Variants in MTUS2 observed in about 807,000 individuals in gnomAD.
The protein encoded by MTUS2 is microtubule associated scaffold protein 2.
A neutral mutation model predicts 114.1 loss-of-function variants in MTUS2; 40 were observed. That is an observed-to-expected ratio of 0.35 (90% CI 0.27 to 0.46). MTUS2 has a LOEUF of 0.46. MTUS2 is among the 20% of genes least tolerant of loss of function. The pLI, the probability that MTUS2 is intolerant of heterozygous loss-of-function variation, is 1.00. For synonymous variants in MTUS2, 688 were observed against 672.0 expected (o/e 1.02, Z -0.37); for missense variants, 1,679 against 1,705.4 (o/e 0.98, Z 0.27).
intron 5 of MTUS2, among the ~76,000 whole-genome samples, chr13:29,202,363 T>C (rs541211500): frequency 6.6e-6 from 1 of 152,340 alleles, no homozygotes; most frequent in African/African-American, 2.4e-5. Context: ...ATCAGATCAT[T>C]TGTGTTCTTC....
At chr13:29,240,347 G>A (rs1004911856) in intron 5 of MTUS2, among the ~76,000 whole-genome samples, 6 of 152,162 alleles carry the variant, frequency 3.9e-5, no homozygotes, top group Non-Finnish European at 8.8e-5. Context: ...GGTCTAATCA[G>A]CCATCTCTCC....
At chr13:28,932,700 T>C (rs1881682200) in intron 2 of MTUS2, among the ~76,000 whole-genome samples, 1 of 152,186 alleles carries the variant, frequency 6.6e-6, no homozygotes, top group Admixed American at 6.5e-5. Flanking sequence ...CAGACTCATA[T>C]GTGAGAAAAA....
intron 5 of MTUS2, among the ~76,000 whole-genome samples, chr13:29,122,832 T>A (rs1891366136): frequency 6.6e-6 from 1 of 152,238 alleles, no homozygotes; most frequent in South Asian, 2.1e-4. Flanking sequence ...CCTGTCCGTA[T>A]CACTGGCTCT....
intron 5 of MTUS2, among the ~76,000 whole-genome samples, chr13:29,176,852 G>A (rs977318776): frequency 6.6e-6 from 1 of 151,332 alleles, no homozygotes; most frequent in Non-Finnish European, 1.5e-5. Flanking sequence ...TGGCACAGCA[G>A]CCTCCCTGCA....
At chr13:29,259,723 A>C (rs1224680139) in intron 5 of MTUS2, among the ~76,000 whole-genome samples, 2 of 152,254 alleles carry the variant, frequency 1.3e-5, no homozygotes, top group Non-Finnish European at 2.9e-5. Context: ...ATAAAAATGA[A>C]TAAAAATAGG....
At chr13:29,327,115 C>T (rs1009552159) in intron 7 of MTUS2, among the ~76,000 whole-genome samples, 1 of 150,588 alleles carries the variant, frequency 6.6e-6, no homozygotes. Context: ...CCAAAGTACA[C>T]TCCTAAAATA....
rs1290749016 is a variant in MTUS2, at chr13:29,026,343, A to G, written c.1645A>G (p.Thr549Ala). The G allele has an allele frequency of 6.2e-6, 10 of 1,613,946 alleles. No individual in the cohort carries two copies. Among genetic ancestry groups the G allele is most frequent in the Non-Finnish European group, 7.6e-6 (9 of 1,179,876 alleles). ...AACTGTGAACATGACCTACCAGCCT[A>G]CAACACCCAGTAGCAGTTTTCAGGA... ...ETTVNMTYQP[T>A]TPSSSFQDVS... is the part of the protein sequence containing the mutation. Residue 549 changes from threonine to alanine, a missense_variant, in exon 3 of 16, where the codon ACA (threonine) becomes GCA (alanine). By Grantham distance (58) the Thr-to-Ala change is moderately conservative. Coordinates refer to ENST00000612955, the MANE Select transcript of MTUS2 (RefSeq NM_001033602.4).
intron 2 of MTUS2, among the ~76,000 whole-genome samples, chr13:28,841,582 G>A (rs1875489000): frequency 6.6e-6 from 1 of 152,176 alleles, no homozygotes. Context: ...AAAAGCTTTT[G>A]GTTTCTTGGG....
chr13:29,134,390 T>C (rs568221510), intron 5 of MTUS2, among the ~76,000 whole-genome samples: 1 of 123,100 alleles, frequency 8.1e-6, no homozygotes, highest in South Asian at 2.7e-4. Flanking sequence ...CTAATTGGTT[T>C]ATTGTGTTGT....
chr13:29,045,459 C>A (rs1299189699), intron 4 of MTUS2, among the ~76,000 whole-genome samples: 2 of 152,168 alleles, frequency 1.3e-5, no homozygotes, highest in Admixed American at 6.5e-5. Flanking sequence ...AGATGTCATC[C>A]CATTGGGAAT....
At chr13:28,845,553 T>G (rs1399853924) in intron 2 of MTUS2, among the ~76,000 whole-genome samples, 1 of 152,164 alleles carries the variant, frequency 6.6e-6, no homozygotes, top group Non-Finnish European at 1.5e-5. Context: ...ACACTTCATT[T>G]AAGAAATTGG....
intron 9 of MTUS2, among the ~76,000 whole-genome samples, chr13:29,473,117 T>C (rs1377634274): frequency 2.0e-5 from 3 of 152,120 alleles, no homozygotes; most frequent in Non-Finnish European, 4.4e-5. Context: ...ATGTAAATAA[T>C]ATATACTATA....
intron 5 of MTUS2, among the ~76,000 whole-genome samples, chr13:29,132,450 C>A (rs185782736): frequency 9.9e-5 from 15 of 152,252 alleles, no homozygotes; most frequent in African/African-American, 3.6e-4. Flanking sequence ...TGTTGTGCAA[C>A]CATCACCACC....
At chr13:29,200,592 C>G (rs1372746196) in intron 5 of MTUS2, among the ~76,000 whole-genome samples, 1 of 130,562 alleles carries the variant, frequency 7.7e-6, no homozygotes, top group Non-Finnish European at 1.5e-5. Flanking sequence ...GTGATCTCAG[C>G]TCACTGCACC....
Position 29,428,956 on chromosome 13 carries a change from C to T in MTUS2, c.3118-11027C>T, listed in dbSNP as rs1222497159. The T allele has an allele frequency of 5.8e-6, 9 of 1,564,830 alleles. No homozygotes were observed. In the African/African-American group the frequency reaches 6.8e-5, roughly 12 times the overall value. On this transcript the variant is annotated intron_variant, in intron 8 of 15. Transcript: ENST00000612955. ...TCCTTTGCAAGGGCAGAGAGAAAGC[C>T]GTGAGCCAGCCACCTCGGTGCCTGT... is the stretch of plus-strand genomic sequence containing the variant.
intron 8 of MTUS2, among the ~76,000 whole-genome samples, chr13:29,419,168 A>G (rs748028752): frequency 3.9e-5 from 6 of 152,220 alleles, no homozygotes; most frequent in Middle Eastern, 6.8e-3. Context: ...TTGGAATGTC[A>G]TGCCCCTCCT....
In MTUS2 at chr13:29,366,932, A is replaced by G. The variant is rs149246746; in HGVS notation, c.3117+7459A>G. Among the ~76,000 whole-genome samples the G allele has an allele frequency of 2.0e-5, 3 of 152,094 alleles. No homozygotes were observed. The East Asian group carries it at 5.8e-4, about 29-fold the overall frequency. Reference sequence around the variant, plus strand: ...ATCTCCTGTAGCAGTTTGTGATGTGAGCCTCCCTCCCTGTGTCTGCATCCC... The same window carrying G: ...ATCTCCTGTAGCAGTTTGTGATGTGGGCCTCCCTCCCTGTGTCTGCATCCC... On this transcript the variant is annotated intron_variant, in intron 8 of 15. Coordinates refer to ENST00000612955, the MANE Select transcript of MTUS2 (RefSeq NM_001033602.4).
chr13:29,455,098 T>C (rs529486795), intron 9 of MTUS2, among the ~76,000 whole-genome samples: 1 of 152,316 alleles, frequency 6.6e-6, no homozygotes, highest in South Asian at 2.1e-4. Flanking sequence ...AGGTAGTGGC[T>C]GCCATCTTGC....
intron 2 of MTUS2, among the ~76,000 whole-genome samples, chr13:29,020,603 A>T (rs754243340): frequency 1.3e-5 from 2 of 152,046 alleles, no homozygotes; most frequent in Non-Finnish European, 2.9e-5. Flanking sequence ...AAAGTTTTTA[A>T]ATTTGCTTTT....
Sources: gnomAD v4.1 joint callset for allele counts (sites outside exome capture counted in the v4.1 genomes callset) on GRCh38, gnomAD v4.1.1 for gene constraint, MANE v1.5 for transcripts, NCBI Gene and HGNC (gene_info 2026-07-23, HGNC 2026-07-21) for gene names.